The following ZNF516 variants were observed in gnomAD, a reference collection of about 807,000 sequenced individuals.
ZNF516 encodes zinc finger protein 516.
A neutral mutation model predicts 79.7 loss-of-function variants in ZNF516; 19 were observed. The ratio of observed to expected loss-of-function variants is 0.24; its 90% CI spans 0.17 to 0.35. ZNF516 has a LOEUF of 0.35. Ranked by LOEUF, ZNF516 falls within the 10% of genes least tolerant of loss-of-function variation. The pLI is 1.00. For missense variants in ZNF516, 1,678 were observed against 1,679.5 expected, an observed-to-expected ratio of 1.00 and a Z score of 0.02; for synonymous variants, 877 against 739.5, an observed-to-expected ratio of 1.19 and a Z score of -3.02.
chr18:76,452,183 G>A (rs867894175), intron 2 of ZNF516, among the ~76,000 whole-genome samples: 2 of 152,184 alleles, frequency 1.3e-5, no homozygotes, highest in African/African-American at 4.8e-5. Context: ...CAGCAGCAAC[G>A]CGGCCCCCTG....
At chr18:76,409,941 T>C (rs2075353647) in intron 3 of ZNF516, among the ~76,000 whole-genome samples, 1 of 152,200 alleles carries the variant, frequency 6.6e-6, no homozygotes, top group Non-Finnish European at 1.5e-5. Context: ...TCCCCCACAC[T>C]GTTCTCATGG....
At position 76,367,544 on chromosome 18, in the gene ZNF516, C is replaced by T. The variant is rs562946812; in HGVS notation, c.3432+2984G>A. 2.0e-5 allele frequency among the ~76,000 whole-genome samples: 3 copies of T among 152,338 alleles called. No individual in the cohort carries two copies. The South Asian group carries it at 6.2e-4, about 32-fold the overall frequency. On this transcript the variant is annotated intron_variant, in intron 6 of 6. Transcript: ENST00000443185. ...CTCTCCCTCCGTGAGCTGACCCCCA[C>T]CCAGTTCCTCCAGTGGAATGTGTTC...
At chr18:76,453,412 C>T (rs1249950258) in intron 2 of ZNF516, among the ~76,000 whole-genome samples, 2 of 152,180 alleles carry the variant, frequency 1.3e-5, no homozygotes, top group African/African-American at 4.8e-5. Flanking sequence ...ACAGATCACT[C>T]GCTATTCATT....
chr18:76,359,630 CGAGCGGAAAGCAGGGGA>C lies in ZNF516; in HGVS notation c.*2851_*2867del, dbSNP rs1018172706. The C allele has an allele frequency of 1.3e-5, 2 of 151,964 alleles. No individual in the cohort carries two copies. The highest frequency in any genetic ancestry group is 2.4e-5 in the African/African-American group (1 of 41,336). 9.4% of individuals were successfully genotyped at this position (151,964 alleles called of 1,614,324 possible). A position where few individuals can be genotyped will look rare whatever the true frequency, so the allele number is the denominator to read the frequency against. On this transcript the variant is annotated 3_prime_UTR_variant, in exon 7 of 7. Transcript: ENST00000443185. ...CCAGCAGGGGCAGAGCGGGAAGCAG[CGAGCGGAAAGCAGGGGA>C]GAGACACCGAGAAGCTGCAGTGTAG...
chr18:76,430,334 C>A (rs534080654), intron 3 of ZNF516, among the ~76,000 whole-genome samples: 3 of 152,134 alleles, frequency 2.0e-5, no homozygotes, highest in Non-Finnish European at 2.9e-5. Flanking sequence ...TCATGAGTCA[C>A]GTAGTAATCA....
chr18:76,400,047 G>C (rs2075198742), intron 3 of ZNF516, among the ~76,000 whole-genome samples: 1 of 152,196 alleles, frequency 6.6e-6, no homozygotes, highest in African/African-American at 2.4e-5. Context: ...CCCAAGGGCA[G>C]CAGCCCTTCT....
At chr18:76,448,007 A>G (rs1020511857) in intron 2 of ZNF516, among the ~76,000 whole-genome samples, 7 of 152,122 alleles carry the variant, frequency 4.6e-5, no homozygotes, top group African/African-American at 1.7e-4. Flanking sequence ...CATTTTGAAA[A>G]ACTTAGGTAA....
At chr18:76,450,060 T>C (rs536097892) in intron 2 of ZNF516, among the ~76,000 whole-genome samples, 1 of 151,876 alleles carries the variant, frequency 6.6e-6, no homozygotes, top group Non-Finnish European at 1.5e-5. Flanking sequence ...GCTGGTAATA[T>C]AGGAGAGTGG....
At chr18:76,363,307 G>A (rs1260378584) in intron 6 of ZNF516, among the ~76,000 whole-genome samples, 1 of 152,166 alleles carries the variant, frequency 6.6e-6, no homozygotes, top group Non-Finnish European at 1.5e-5. Context: ...ACTGACCAGT[G>A]GAAATTAACA....
intron 1 of ZNF516, chr18:76,491,210 A>AC (rs1226998133): frequency 1.4e-6 from 1 of 708,124 alleles, no homozygotes; most frequent in African/African-American, 2.1e-5. Context: ...CGCCGCGCGG[A>AC]CCCCCGCCTG....
At chr18:76,486,448 A>C (rs1914838289) in intron 1 of ZNF516, among the ~76,000 whole-genome samples, 1 of 152,208 alleles carries the variant, frequency 6.6e-6, no homozygotes. Flanking sequence ...TTCAAGTGTT[A>C]ATAGCGCTGA....
At position 76,359,014 on chromosome 18, in the gene ZNF516, G is replaced by A. The variant is rs2074494486; in HGVS notation, c.*3484C>T. On this transcript the variant is annotated 3_prime_UTR_variant, in exon 7 of 7. Transcript: ENST00000443185. ...CTGCACTCAACCCCTGCAGCCTGAA[G>A]GAGTGTGAGACGATGAAACCCACAT... 6.6e-6 allele frequency: 1 copy of A among 152,358 alleles called. No homozygotes were observed. The highest frequency in any genetic ancestry group is 1.5e-5 in the Non-Finnish European group (1 of 68,166). 9.4% of individuals were successfully genotyped at this position (152,358 alleles called of 1,614,324 possible).
At chr18:76,433,986 C>T (rs2075697339) in intron 3 of ZNF516, among the ~76,000 whole-genome samples, 1 of 152,046 alleles carries the variant, frequency 6.6e-6, no homozygotes, top group African/African-American at 2.4e-5. Flanking sequence ...CCTTTTCTCA[C>T]AGGTGCACCA....
chr18:76,408,361 G>A (rs909982301), intron 3 of ZNF516, among the ~76,000 whole-genome samples: 5 of 152,190 alleles, frequency 3.3e-5, no homozygotes, highest in African/African-American at 9.7e-5. Flanking sequence ...GAGGGGCTGC[G>A]GCGTGCGTCT....
intron 1 of ZNF516, among the ~76,000 whole-genome samples, chr18:76,494,842 C>T (rs1915414919): frequency 6.7e-6 from 1 of 150,330 alleles, no homozygotes; most frequent in African/African-American, 2.4e-5. Context: ...GCTCCCACCC[C>T]GGCCCCCACC....
rs995945377 is a variant in ZNF516, at chr18:76,395,413, A to C, written c.1811-15110T>G. Among the ~76,000 whole-genome samples, 4 of 152,324 alleles carry C rather than the reference A, an allele frequency of 2.6e-5. No homozygotes were observed. In the East Asian group the frequency reaches 5.8e-4, roughly 22 times the overall value. ...TTATGGGATGAATGAGGTGAGTAGG[A>C]GTCATTTAATATCCAAGACTCACAT... On this transcript the variant is annotated intron_variant, in intron 3 of 6. Coordinates refer to ENST00000443185, the MANE Select transcript of ZNF516 (RefSeq NM_014643.4).
Position 76,379,179 on chromosome 18 carries a change from T to G in ZNF516, c.2935A>C (p.Ser979Arg), listed in dbSNP as rs755044329. Reference protein sequence around the residue: ...SAPDSLKAKFSAQPQGPPPAK... With the variant: ...SAPDSLKAKFRAQPQGPPPAK... Reference sequence around the variant, plus strand: ...GGAGGTGGACCCTGAGGCTGAGCACTGAATTTGGCTTTCAGGGAGTCCGGG... The same window carrying G: ...GGAGGTGGACCCTGAGGCTGAGCACGGAATTTGGCTTTCAGGGAGTCCGGG... The change falls in exon 4 of 7, where the codon AGT becomes CGT. Residue 979 changes from serine (S) to arginine (R), a missense_variant. By Grantham distance (110) the Ser-to-Arg change is moderately radical (BLOSUM62 -1). Transcript: ENST00000443185. The G allele has an allele frequency of 1.2e-6, 2 of 1,612,872 alleles. No individual in the cohort carries two copies. The highest frequency in any genetic ancestry group is 1.7e-6 in the Non-Finnish European group (2 of 1,179,774).
chr18:76,491,967 A>G (rs544880596), intron 1 of ZNF516, among the ~76,000 whole-genome samples: 1 of 152,156 alleles, frequency 6.6e-6, no homozygotes, highest in Non-Finnish European at 1.5e-5. Flanking sequence ...GTCGGACGCT[A>G]CCTTGTAACC....
Position 76,379,882 on chromosome 18 carries a change from G to A in ZNF516, c.2232C>T (p.Pro744=). 6.2e-7 allele frequency: 1 copy of A among 1,613,924 alleles called. No homozygotes were observed. Among genetic ancestry groups the A allele is most frequent in the Non-Finnish European group, 8.5e-7 (1 of 1,179,880 alleles). The change falls in exon 4 of 7, where the codon CCC becomes CCT. Residue 744 remains proline, a synonymous_variant. Transcript: ENST00000443185. ...GGGAGGAGGCCGTCTCCTTATTGCT[G>A]GGGTCATCCCGCGTCGACCTCGCAC... ...DLSARSTRDD[P]SNKETASSLQ...
Sources: allele counts gnomAD v4.1 joint callset (sites outside exome capture counted in the v4.1 genomes callset), GRCh38; gene constraint gnomAD v4.1.1; transcripts MANE v1.5; gene names NCBI Gene and HGNC (gene_info 2026-07-23, HGNC 2026-07-21).